Variants in KATNAL1 observed in about 807,000 individuals in gnomAD.
The protein encoded by KATNAL1 is katanin catalytic subunit A1 like 1, also known as katanin p60 ATPase-containing subunit A-like 1.
In KATNAL1, 32 loss-of-function variants were observed where a neutral mutation model predicts 55.2. The observed-to-expected ratio is 0.58, with a 90% CI of 0.44 to 0.78. The LOEUF is 0.78. Ranked by LOEUF, KATNAL1 falls within the 30% of genes least tolerant of loss-of-function variation. KATNAL1 has a pLI of 0.00. For synonymous variants in KATNAL1, 193 were observed against 193.6 expected, an observed-to-expected ratio of 1.00 and a Z score of 0.02; for missense variants, 466 against 600.9, an observed-to-expected ratio of 0.78 and a Z score of 2.35.
At chr13:30,268,986 C>A (rs1400786857) in intron 3 of KATNAL1, among the ~76,000 whole-genome samples, 13 of 152,238 alleles carry the variant, frequency 8.5e-5, no homozygotes, top group South Asian at 6.2e-4. Context: ...AACACACACA[C>A]AATATAGTAT....
intron 9 of KATNAL1, among the ~76,000 whole-genome samples, chr13:30,213,122 C>T (rs910311967): frequency 2.0e-5 from 3 of 152,158 alleles, no homozygotes; most frequent in Non-Finnish European, 2.9e-5. Context: ...ATACAAACTA[C>T]CATCAGAGAA....
chr13:30,263,770 G>T (rs1046804234), intron 3 of KATNAL1, among the ~76,000 whole-genome samples: 9 of 136,666 alleles, frequency 6.6e-5, no homozygotes, highest in Non-Finnish European at 1.3e-4. Flanking sequence ...TGGGTAGGAA[G>T]AATCAATATC....
chr13:30,267,313 T>C (rs1879853475), intron 3 of KATNAL1, among the ~76,000 whole-genome samples: 1 of 152,228 alleles, frequency 6.6e-6, no homozygotes, highest in Non-Finnish European at 1.5e-5. Context: ...GATAATAAAA[T>C]AGTGTCAGTT....
Position 30,282,681 on chromosome 13 carries a change from G to A in KATNAL1, c.162+935C>T, listed in dbSNP as rs186674927. Among the ~76,000 whole-genome samples the A allele has an allele frequency of 3.0e-3, 455 of 151,258 alleles. 5 individuals are homozygous for A. The highest frequency in any genetic ancestry group is 0.01 in the African/African-American group (429 of 41,280). On this transcript the variant is annotated intron_variant, in intron 2 of 10. Coordinates refer to ENST00000380615, the MANE Select transcript of KATNAL1 (RefSeq NM_032116.5). Reference sequence around the variant, plus strand: ...AAAGAAAGAAAGAAAGAGGCCTGGCGTGGTGGCTCATGCTTGTAATCCCAG... The same window carrying A: ...AAAGAAAGAAAGAAAGAGGCCTGGCATGGTGGCTCATGCTTGTAATCCCAG...
At chr13:30,252,961 G>A (rs945813890) in intron 4 of KATNAL1, among the ~76,000 whole-genome samples, 8 of 152,110 alleles carry the variant, frequency 5.3e-5, no homozygotes, top group Non-Finnish European at 7.4e-5. Flanking sequence ...TGCCCAGGCT[G>A]GTCTTGAACT....
At chr13:30,274,897 GCGCGCGCGCGCACACACACA>G (rs1236569813) in intron 3 of KATNAL1, among the ~76,000 whole-genome samples, 50 of 104,038 alleles carry the variant, frequency 4.8e-4, no homozygotes, top group African/African-American at 2.1e-3. Context: ...ACATACGCGC[GCGCGCGCGCGCACACACACA>G]CACACACACA....
intron 9 of KATNAL1, among the ~76,000 whole-genome samples, chr13:30,215,841 G>A (rs1874168557): frequency 6.6e-6 from 1 of 151,900 alleles, no homozygotes; most frequent in South Asian, 2.1e-4. Flanking sequence ...CGAGTTAATG[G>A]GTGCAGCACA....
chr13:30,272,972 T>TA (rs1238984597), intron 3 of KATNAL1, among the ~76,000 whole-genome samples: 2 of 152,154 alleles, frequency 1.3e-5, no homozygotes, highest in Non-Finnish European at 2.9e-5. Context: ...ACCACACCCT[T>TA]ACATACCCCT....
chr13:30,224,128 A>G (rs1875198353), intron 9 of KATNAL1, among the ~76,000 whole-genome samples: 1 of 152,234 alleles, frequency 6.6e-6, no homozygotes, highest in African/African-American at 2.4e-5. Flanking sequence ...GGGATAAAAA[A>G]GGAAAATTAG....
intron 9 of KATNAL1, among the ~76,000 whole-genome samples, chr13:30,217,652 G>A (rs1320016186): frequency 1.3e-5 from 2 of 152,106 alleles, no homozygotes; most frequent in Admixed American, 6.5e-5. Context: ...TCCAGTACAG[G>A]AGACAACAAC....
At chr13:30,284,544 T>C (rs75303095) in intron 1 of KATNAL1, among the ~76,000 whole-genome samples, 286 of 152,306 alleles carry the variant, frequency 1.9e-3, no homozygotes, top group African/African-American at 6.7e-3. Flanking sequence ...TAAAAAGTTA[T>C]ACTTAAAGAA....
At chr13:30,271,932 A>AG (rs1180387993) in intron 3 of KATNAL1, among the ~76,000 whole-genome samples, 1 of 150,252 alleles carries the variant, frequency 6.7e-6, no homozygotes, top group Non-Finnish European at 1.5e-5. Context: ...AAGCCTTAGG[A>AG]GGGAAAAAGA....
intron 4 of KATNAL1, among the ~76,000 whole-genome samples, chr13:30,247,664 A>G (rs1340051849): frequency 6.6e-6 from 1 of 152,200 alleles, no homozygotes; most frequent in Non-Finnish European, 1.5e-5. Context: ...AAATGAGAGG[A>G]GGGGAGAAAG....
chr13:30,288,575 A>G (rs892007552), intron 1 of KATNAL1, among the ~76,000 whole-genome samples: 1 of 152,336 alleles, frequency 6.6e-6, no homozygotes, highest in South Asian at 2.1e-4. Context: ...CTGCAGTATT[A>G]GTTTTGATAT....
chr13:30,251,826 A>G (rs372553361), intron 4 of KATNAL1, among the ~76,000 whole-genome samples: 4 of 152,236 alleles, frequency 2.6e-5, no homozygotes. Flanking sequence ...AGATGTGTCC[A>G]ATAAACAGAG....
intron 4 of KATNAL1, among the ~76,000 whole-genome samples, chr13:30,251,758 T>C (rs577888095): frequency 4.6e-5 from 7 of 152,352 alleles, no homozygotes. Context: ...CTACATTTCA[T>C]TAACGTTTGT....
chr13:30,290,566 A>G (rs1294207849), intron 1 of KATNAL1, among the ~76,000 whole-genome samples: 1 of 151,860 alleles, frequency 6.6e-6, no homozygotes, highest in Non-Finnish European at 1.5e-5. Flanking sequence ...TTTTTTTGCC[A>G]TAGTTCTTTT....
chr13:30,302,587 A>C (rs1882924995), intron 1 of KATNAL1, among the ~76,000 whole-genome samples: 1 of 151,996 alleles, frequency 6.6e-6, no homozygotes, highest in South Asian at 2.1e-4. Context: ...AACGAGAATA[A>C]AGGAACAACT....
At chr13:30,250,976 A>G (rs1878240855) in intron 4 of KATNAL1, among the ~76,000 whole-genome samples, 2 of 152,092 alleles carry the variant, frequency 1.3e-5, no homozygotes, top group Admixed American at 1.3e-4. Flanking sequence ...ATCTCTACTA[A>G]AAGTACAAAA....
Sources: gnomAD v4.1 joint callset for allele counts (sites outside exome capture counted in the v4.1 genomes callset) on GRCh38, gnomAD v4.1.1 for gene constraint, MANE v1.5 for transcripts, NCBI Gene and HGNC (gene_info 2026-07-23, HGNC 2026-07-21) for gene names.